The following RHOBTB2 variants were observed in gnomAD, a reference collection of about 807,000 sequenced individuals.
RHOBTB2 encodes Rho related BTB domain containing 2.
In RHOBTB2, 39 loss-of-function variants were observed where a neutral mutation model predicts 66.5. The ratio of observed to expected loss-of-function variants is 0.59; its 90% CI spans 0.45 to 0.77. The LOEUF (loss-of-function observed/expected upper bound fraction) is 0.77. Ranked by LOEUF, RHOBTB2 falls within the 30% of genes least tolerant of loss-of-function variation. The pLI, the probability that RHOBTB2 is intolerant of heterozygous loss-of-function variation, is 0.00. For synonymous variants in RHOBTB2, 390 were observed against 395.0 expected, an observed-to-expected ratio of 0.99 and a Z score of 0.15; for missense variants, 755 against 999.1, an observed-to-expected ratio of 0.76 and a Z score of 3.29.
chr8:23,002,168 T>C (rs1301038468), intron 1 of RHOBTB2, among the ~76,000 whole-genome samples: 1 of 152,202 alleles, frequency 6.6e-6, no homozygotes, highest in African/African-American at 2.4e-5. Context: ...AAGAAGTTCT[T>C]TTGGCTCTTG....
chr8:22,955,424 G>A, the RHOBTB2 span, among the ~76,000 whole-genome samples: 1 of 152,056 alleles, frequency 6.6e-6, no homozygotes, highest in African/African-American at 2.4e-5. Context: ...CCCCACTCTG[G>A]CTCCATGTCC....
chr8:23,016,794 C>T (rs1257347043), intron 9 of RHOBTB2, among the ~76,000 whole-genome samples: 1 of 152,122 alleles, frequency 6.6e-6, no homozygotes, highest in Non-Finnish European at 1.5e-5. Context: ...TCTTCCATGG[C>T]CCCCCATACC....
intron 1 of RHOBTB2, among the ~76,000 whole-genome samples, chr8:22,988,138 G>T (rs898665599): frequency 5.0e-4 from 73 of 145,154 alleles, no homozygotes; most frequent in Admixed American, 4.2e-3. Context: ...CATCTCTGTT[G>T]TCCTGCTCCT....
rs1233369442 is a variant in RHOBTB2 at position 23,010,698 on chromosome 8, C to T, written c.1771+10C>T. The T allele has an allele frequency of 6.2e-7, 1 of 1,613,822 alleles. No individual in the cohort carries two copies. The highest frequency in any genetic ancestry group is 8.5e-7 in the Non-Finnish European group (1 of 1,179,858). Reference sequence around the variant, plus strand: ...CTGGTTGCCCTCACAGGTAACTAAGCAGTGCACTCGGGGACCTCCCCGCGG... The same window carrying T: ...CTGGTTGCCCTCACAGGTAACTAAGTAGTGCACTCGGGGACCTCCCCGCGG... On this transcript the variant is annotated intron_variant, in intron 7 of 9. Coordinates refer to ENST00000251822, the MANE Select transcript of RHOBTB2 (RefSeq NM_015178.3).
rs1273300004 is a variant in RHOBTB2, at chr8:23,017,029, G to T, written c.1967-223G>T. ...GCCCTTGTCTAGATCGCCCGTCTTTGGAAAGGAACCCAGCTGGAAAGGCCT... is the reference window on the plus strand; with the variant it reads ...GCCCTTGTCTAGATCGCCCGTCTTTTGAAAGGAACCCAGCTGGAAAGGCCT... On this transcript the variant is annotated intron_variant, in intron 9 of 9. Transcript: ENST00000251822. The surrounding 1 kb of genome is among the most constrained non-coding windows in gnomAD (Gnocchi z 5.3). Among the ~76,000 whole-genome samples, 1 of 152,104 alleles carries T rather than the reference G, an allele frequency of 6.6e-6. No homozygotes were observed. The highest frequency in any genetic ancestry group is 1.5e-5 in the Non-Finnish European group (1 of 67,980).
chr8:22,973,671 G>A, the RHOBTB2 span, among the ~76,000 whole-genome samples: 1 of 152,186 alleles, frequency 6.6e-6, no homozygotes, highest in Non-Finnish European at 1.5e-5. Flanking sequence ...GGAGAAATGG[G>A]TGATGGGAGG....
chr8:22,969,469 G>A, the RHOBTB2 span, among the ~76,000 whole-genome samples: 1 of 152,172 alleles, frequency 6.6e-6, no homozygotes, highest in Non-Finnish European at 1.5e-5. Context: ...CTCGAAAAAT[G>A]TGTAAAGACC....
the RHOBTB2 span, among the ~76,000 whole-genome samples, chr8:22,974,251 A>G: frequency 3.3e-5 from 5 of 152,208 alleles, no homozygotes; most frequent in African/African-American, 4.8e-5. Flanking sequence ...CCTGGGTTAC[A>G]TAACACCTGA....
chr8:22,967,730 GGA>G, the RHOBTB2 span, among the ~76,000 whole-genome samples: 39,823 of 151,756 alleles, frequency 0.26, 6,384 homozygotes, highest in East Asian at 0.42. Flanking sequence ...AGGGCAGAAT[GGA>G]GAGTTATTGT....
chr8:22,986,592 C>T (rs548084441), upstream of RHOBTB2, among the ~76,000 whole-genome samples: 13 of 152,240 alleles, frequency 8.5e-5, no homozygotes, highest in African/African-American at 2.6e-4. Flanking sequence ...TTCTTTCTCT[C>T]TTCCCTTCTC....
chr8:23,014,255 T>C (rs1418542385), intron 7 of RHOBTB2, among the ~76,000 whole-genome samples: 2 of 152,244 alleles, frequency 1.3e-5, no homozygotes, highest in African/African-American at 4.8e-5. Context: ...TAGTACACAA[T>C]TTTTTACAAA....
At chr8:23,014,544 G>A (rs2466183) in intron 7 of RHOBTB2, 146 bp from the exon 8 acceptor site, 17 of 650,404 alleles carry the variant, frequency 2.6e-5, no homozygotes, top group East Asian at 1.1e-4. Context: ...GGCAGCAGAC[G>A]TCATAGCCTG....
At chr8:22,973,459 C>A in the RHOBTB2 span, among the ~76,000 whole-genome samples, 2 of 152,086 alleles carry the variant, frequency 1.3e-5, no homozygotes, top group African/African-American at 2.4e-5. Context: ...GTCTCGAACT[C>A]CTGGCCTCAA....
Position 23,010,603 on chromosome 8 carries a change from G to A in RHOBTB2, c.1686G>A (p.Met562Ile). Residue 562 changes from methionine to isoleucine, a missense_variant, in exon 7 of 10, where the codon ATG (methionine) becomes ATA (isoleucine). This residue lies in a region of RHOBTB2 where 353 missense variants were observed against 458.2 expected (regional missense o/e 0.77). Transcript: ENST00000251822. ...TGCTGGAATACCTCTACACCGGCAT[G>A]TTCACCTCCAGCCCCGACCTGGATG... ...RAVLEYLYTG[M>I]FTSSPDLDDM... is the part of the protein sequence containing the mutation. 1.2e-6 allele frequency: 2 copies of A among 1,614,182 alleles called. No individual in the cohort carries two copies. The highest frequency in any genetic ancestry group is 8.5e-7 in the Non-Finnish European group (1 of 1,180,040).
the RHOBTB2 span, among the ~76,000 whole-genome samples, chr8:22,972,711 A>T: frequency 3.7e-4 from 57 of 152,114 alleles, no homozygotes; most frequent in African/African-American, 1.3e-3. Flanking sequence ...AGCGTTTCAG[A>T]CTCAGTAGAT....
the RHOBTB2 span, among the ~76,000 whole-genome samples, chr8:22,973,387 C>G: frequency 6.6e-6 from 1 of 152,240 alleles, no homozygotes; most frequent in East Asian, 1.9e-4. Context: ...TGCTGCCATA[C>G]AGGACTAATT....
At chr8:22,974,752 G>C in the RHOBTB2 span, among the ~76,000 whole-genome samples, 1 of 152,114 alleles carries the variant, frequency 6.6e-6, no homozygotes, top group African/African-American at 2.4e-5. Context: ...TGACCAGCAG[G>C]GGGAGAGAAA....
chr8:23,004,251 C>G lies in RHOBTB2; in HGVS notation c.-10-174C>G. On this transcript the variant is annotated intron_variant, in intron 1 of 9. Coordinates refer to ENST00000251822, the MANE Select transcript of RHOBTB2 (RefSeq NM_015178.3). This position sits in a 1 kb window ranked among gnomAD's most constrained non-coding sequence, Gnocchi z 6.4. ...CTCTCAGCCTGAATGGGCTCCTGGC[C>G]CCTTGGACCCTCGCAGAGCTCTTGC... The G allele has an allele frequency of 1.6e-6, 1 of 635,012 alleles. No homozygotes were observed. The highest frequency in any genetic ancestry group is 2.8e-6 in the Non-Finnish European group (1 of 354,166). The allele number at this position is 635,012 out of a possible 1,614,324, so 39.3% of individuals were successfully genotyped here.
chr8:22,972,381 C>T, the RHOBTB2 span, among the ~76,000 whole-genome samples: 1,509 of 152,300 alleles, frequency 9.9e-3, 30 homozygotes, highest in African/African-American at 0.034. Flanking sequence ...TCCACAAAGT[C>T]AAAAGTGCCC....
Sources: gnomAD v4.1 joint callset for allele counts (sites outside exome capture counted in the v4.1 genomes callset) on GRCh38, gnomAD v4.1.1 for gene constraint, gnomAD v4.1.1 regional missense constraint, Gnocchi (gnomAD v3.1) non-coding constraint, MANE v1.5 for transcripts, NCBI Gene and HGNC (gene_info 2026-07-23, HGNC 2026-07-21) for gene names.